MMP25: variants seen among roughly 807,000 people sequenced by gnomAD.
MMP25 encodes the protein matrix metalloproteinase-25.
MMP25 carries 68 observed loss-of-function variants against 62.1 expected under a neutral mutation model. The observed-to-expected ratio is 1.10, with a 90% CI of 0.90 to 1.34. The LOEUF (loss-of-function observed/expected upper bound fraction) is 1.34. Ranked by LOEUF, MMP25 falls within the 40% of genes most tolerant of loss-of-function variation. The pLI, the probability that MMP25 is intolerant of heterozygous loss-of-function variation, is 0.00. For synonymous variants in MMP25, 407 were observed against 345.6 expected, an observed-to-expected ratio of 1.18 and a Z score of -1.97; for missense variants, 942 against 792.5, an observed-to-expected ratio of 1.19 and a Z score of -2.26.
In MMP25 at chr16:3,059,590, C is replaced by G. The variant is rs1956081423; in HGVS notation, c.*492C>G. On this transcript the variant is annotated 3_prime_UTR_variant, in exon 10 of 10. Coordinates refer to ENST00000336577, the MANE Select transcript of MMP25 (RefSeq NM_022468.5). ...CCTGGGACTCTCCGCAGCCCCGCCC[C>G]GCCTGGCCACTGCGTCTGGCATTCC... 6.5e-6 allele frequency: 1 copy of G among 153,786 alleles called. No homozygotes were observed. The highest frequency in any genetic ancestry group is 2.4e-5 in the African/African-American group (1 of 41,506). 9.5% of individuals were successfully genotyped at this position (153,786 alleles called of 1,614,324 possible).
Position 3,047,502 on chromosome 16 carries a change from A to G in MMP25, c.187A>G (p.Lys63Glu), listed in dbSNP as rs138348812. ...CCCTGAGAAGTTGCGCGATGCCATC[A>G]AAGTCATGCAGAGGTTCGCGGGGCT... ...QSPEKLRDAI[K>E]VMQRFAGLPE... Residue 63 changes from lysine (K) to glutamate (E), a missense_variant, in exon 2 of 10, where the codon AAA (lysine) becomes GAA (glutamate). Physicochemically the swap from Lys to Glu is moderately conservative, Grantham distance 56. Coordinates refer to ENST00000336577, the MANE Select transcript of MMP25 (RefSeq NM_022468.5). 1.2e-6 allele frequency: 2 copies of G among 1,613,718 alleles called. No individual in the cohort carries two copies. Among genetic ancestry groups the G allele is most frequent in the African/African-American group, 2.7e-5 (2 of 74,896 alleles).
At chr16:3,049,073 G>A (rs536446713) in intron 2 of MMP25, among the ~76,000 whole-genome samples, 2 of 152,098 alleles carry the variant, frequency 1.3e-5, no homozygotes, top group Admixed American at 1.3e-4. Context: ...CTCCCACAGT[G>A]CTGGGATTAC....
At position 3,057,545 on chromosome 16, in the gene MMP25, TC is replaced by T; in HGVS notation, c.941del (p.Pro314LeufsTer54). 1 of 1,614,026 alleles carries T rather than the reference TC, an allele frequency of 6.2e-7. No individual in the cohort carries two copies. Among genetic ancestry groups the T allele is most frequent in the East Asian group, 2.2e-5 (1 of 44,886 alleles). On this transcript the variant is annotated frameshift_variant, in exon 7 of 10. Coordinates refer to ENST00000336577, the MANE Select transcript of MMP25 (RefSeq NM_022468.5). LOFTEE classifies it high-confidence loss of function. ...ASPTHSPSFP[I>X]PDRCEGNFDA... ...TTCCTCCCCAGCCCATCCTTCCCCA[TC>T]CCTGATCGATGTGAGGGCAATTTTG...
At position 3,057,618 on chromosome 16, in the gene MMP25, G is replaced by A. The variant is rs1485854209; in HGVS notation, c.1006+5G>A. 3 of 1,613,978 alleles carry A rather than the reference G, an allele frequency of 1.9e-6. No homozygotes were observed. The highest frequency in any genetic ancestry group is 2.7e-5 in the African/African-American group (2 of 75,046). ...GGGAAACTTTCTTCTTCAAAGGTGA[G>A]TCATTTCACTTGGCCTCATATATGT... is the stretch of plus-strand genomic sequence containing the variant. On this transcript the variant is annotated splice_donor_5th_base_variant and intron_variant, in intron 7 of 9. Coordinates refer to ENST00000336577, the MANE Select transcript of MMP25 (RefSeq NM_022468.5).
At chr16:3,047,666 C>T in intron 2 of MMP25, 119 bp downstream of exon 2, 3 of 1,180,352 alleles carry the variant, frequency 2.5e-6, no homozygotes, top group Non-Finnish European at 3.5e-6. Flanking sequence ...TGATCTCAGG[C>T]CCCAAACCCA....
chr16:3,058,596 C>T lies in MMP25; in HGVS notation c.1344C>T (p.Pro448=), dbSNP rs777493734. The T allele has an allele frequency of 3.7e-6, 6 of 1,607,294 alleles. No homozygotes were observed. Among genetic ancestry groups the T allele is most frequent in the South Asian group, 1.1e-5 (1 of 90,530 alleles). ...RYDEAAARPD[P]GYPRDLSLWE... is the part of the protein sequence containing the mutation. ...ACGAGGCGGCGGCGCGCCCGGACCC[C>T]GGCTACCCTCGCGACCTGAGCCTCT... is the stretch of plus-strand genomic sequence containing the variant. Residue 448 remains proline (P), a synonymous_variant, in exon 9 of 10, where the codon CCC becomes CCT. Transcript: ENST00000336577.
chr16:3,046,593 G>T lies in MMP25; in HGVS notation c.-325G>T, dbSNP rs2151150856. The stretch of plus-strand genomic sequence containing the variant: ...CCTCCGCTCGCGCCCGGAGAGGAGG[G>T]GCCGCTGGCGCAGCGCCCCGGGACC... On this transcript the variant is annotated 5_prime_UTR_variant, in exon 1 of 10. Transcript: ENST00000336577. 1 of 226,832 alleles carries T rather than the reference G, an allele frequency of 4.4e-6. No individual in the cohort carries two copies. Among genetic ancestry groups the T allele is most frequent in the African/African-American group, 2.3e-5 (1 of 43,676 alleles). The allele number at this position is 226,832 out of a possible 1,614,324, so 14.1% of individuals were successfully genotyped here.
chr16:3,048,143 A>G (rs1056096480), intron 2 of MMP25, among the ~76,000 whole-genome samples: 4 of 152,180 alleles, frequency 2.6e-5, no homozygotes, highest in Admixed American at 6.5e-5. Context: ...CCAGTCCTCT[A>G]AGGATTTTTT....
rs1183866581 is a variant in MMP25, at chr16:3,058,332, C to T, written c.1158C>T (p.Ser386=). 1.3e-6 allele frequency: 2 copies of T among 1,566,254 alleles called. No homozygotes were observed. Among genetic ancestry groups the T allele is most frequent in the Non-Finnish European group, 1.7e-6 (2 of 1,158,602 alleles). Residue 386 remains serine, a splice_region_variant and synonymous_variant, in exon 8 of 10, where the codon AGC becomes AGT. Coordinates refer to ENST00000336577, the MANE Select transcript of MMP25 (RefSeq NM_022468.5). ...GAGACGGCCGAATCCTCCTCTTTAG[C>T]GGTGAGTGGGGCCGGCGGCGGGGCG... The part of the protein sequence containing the change: ...RHRDGRILLF[S]GPQFWVFQDR...
Position 3,046,916 on chromosome 16 carries a change from C to A in MMP25, c.-2C>A. 6.9e-7 allele frequency: 1 copy of A among 1,446,040 alleles called. No homozygotes were observed. The highest frequency in any genetic ancestry group is 9.0e-7 in the Non-Finnish European group (1 of 1,106,434). 89.6% of individuals were successfully genotyped at this position (1,446,040 alleles called of 1,614,324 possible). ...CGCCGGCGGCCCGGGCTGGGGCGCACCATGCGGCTGCGGCTCCGGCTTCTG... is the reference window on the plus strand; with the variant it reads ...CGCCGGCGGCCCGGGCTGGGGCGCAACATGCGGCTGCGGCTCCGGCTTCTG... On this transcript the variant is annotated 5_prime_UTR_variant, in exon 1 of 10. Transcript: ENST00000336577.
At chr16:3,057,669 C>T in intron 7 of MMP25, 56 bp downstream of exon 7, 13 of 1,479,732 alleles carry the variant, frequency 8.8e-6, no homozygotes, top group Non-Finnish European at 1.1e-5. Context: ...TTCCAGTGAC[C>T]CACTGGGGCT....
In MMP25 at chr16:3,057,587, T is replaced by A. The variant is rs770060905; in HGVS notation, c.980T>A (p.Ile327Asn). Residue 327 changes from isoleucine (I) to asparagine (N), a missense_variant, in exon 7 of 10, where the codon ATC (isoleucine) becomes AAC (asparagine). Transcript: ENST00000336577. ...CEGNFDAIAN[I>N]RGETFFFKGP... ...GGCAATTTTGACGCCATCGCCAACA[T>A]CCGAGGGGAAACTTTCTTCTTCAAA... is the stretch of plus-strand genomic sequence containing the variant. The A allele has an allele frequency of 6.2e-7, 1 of 1,614,050 alleles. No homozygotes were observed. Among genetic ancestry groups the A allele is most frequent in the South Asian group, 1.1e-5 (1 of 91,086 alleles).
intron 4 of MMP25, chr16:3,053,398 G>C (rs2151157377): frequency 6.6e-6 from 1 of 151,702 alleles, no homozygotes; most frequent in African/African-American, 2.4e-5. Context: ...TCTTCCACTT[G>C]TAATGAACAA....
chr16:3,050,516 G>C lies in MMP25; in HGVS notation c.631G>C (p.Asp211His). The C allele has an allele frequency of 6.3e-7, 1 of 1,575,490 alleles. No individual in the cohort carries two copies. Among genetic ancestry groups the C allele is most frequent in the Non-Finnish European group, 8.6e-7 (1 of 1,158,562 alleles). Residue 211 changes from aspartate to histidine, a missense_variant, in exon 4 of 10, where the codon GAT becomes CAT. Physicochemically the swap from Asp to His is moderately conservative, Grantham distance 81. Coordinates refer to ENST00000336577, the MANE Select transcript of MMP25 (RefSeq NM_022468.5). The stretch of plus-strand genomic sequence containing the variant: ...CATCTCCGGGGACACTCACTTTGAC[G>C]ATGAGGAGACCTGGACTTTTGGGTC... ...HPISGDTHFD[D>H]EETWTFGSKD...
intron 2 of MMP25, 47 bp from the exon 3 acceptor site, chr16:3,049,962 G>T: frequency 6.2e-7 from 1 of 1,601,826 alleles, no homozygotes; most frequent in South Asian, 1.1e-5. Context: ...ATTAAGGCAG[G>T]CTCTCCTATT....
chr16:3,053,303 C>A (rs1215495526), intron 4 of MMP25: 1 of 151,106 alleles, frequency 6.6e-6, no homozygotes, highest in Non-Finnish European at 1.5e-5. Flanking sequence ...CACTGCACTG[C>A]GGCCTGGGTG....
rs1274341162 is a variant in MMP25, at chr16:3,060,309, G to A, written c.*1211G>A. 5 of 152,384 alleles carry A rather than the reference G, an allele frequency of 3.3e-5. No homozygotes were observed. Among genetic ancestry groups the A allele is most frequent in the Non-Finnish European group, 7.3e-5 (5 of 68,216 alleles). The allele number at this position is 152,384 out of a possible 1,614,324, so 9.4% of individuals were successfully genotyped here. A position where few individuals can be genotyped will look rare whatever the true frequency, so the allele number is the denominator to read the frequency against. ...GGAATCTGCATTTTAACTAGTCGCG[G>A]GGATTGTGGGGGGCAGTAGCTGGCT... On this transcript the variant is annotated 3_prime_UTR_variant, in exon 10 of 10. Coordinates refer to ENST00000336577, the MANE Select transcript of MMP25 (RefSeq NM_022468.5).
rs1269951832 is a variant in MMP25, at chr16:3,059,829, C to T, written c.*731C>T. 6.6e-6 allele frequency: 1 copy of T among 152,304 alleles called. No individual in the cohort carries two copies. Among genetic ancestry groups the T allele is most frequent in the African/African-American group, 2.4e-5 (1 of 41,424 alleles). The allele number at this position is 152,304 out of a possible 1,614,324, so 9.4% of individuals were successfully genotyped here. The stretch of plus-strand genomic sequence containing the variant: ...TGGAATCAGTGGCTGGAGGGACGAC[C>T]CTTGCTCTCCAGGCTGTTAACCTTT... On this transcript the variant is annotated 3_prime_UTR_variant, in exon 10 of 10. Coordinates refer to ENST00000336577, the MANE Select transcript of MMP25 (RefSeq NM_022468.5).
rs1177516442 is a variant in MMP25, at chr16:3,046,889, C to T, written c.-29C>T. On this transcript the variant is annotated 5_prime_UTR_variant, in exon 1 of 10. Transcript: ENST00000336577. ...GGCCCCAGCCAGGCCCCCTTCGAAC[C>T]CCGCCGGCGGCCCGGGCTGGGGCGC... The T allele has an allele frequency of 1.5e-6, 2 of 1,350,110 alleles. No homozygotes were observed. The highest frequency in any genetic ancestry group is 6.2e-5 in the East Asian group (2 of 32,370). 83.6% of individuals were successfully genotyped at this position (1,350,110 alleles called of 1,614,324 possible).
Sources: allele counts gnomAD v4.1 joint callset (sites outside exome capture counted in the v4.1 genomes callset), GRCh38; gene constraint gnomAD v4.1.1; transcripts MANE v1.5; gene names NCBI Gene and HGNC (gene_info 2026-07-23, HGNC 2026-07-21).